The following RORB variants were observed in gnomAD, a reference collection of about 807,000 sequenced individuals.
RORB encodes nuclear receptor ROR-beta.
A neutral mutation model predicts 59.1 loss-of-function variants in RORB; 6 were observed. That is an observed-to-expected ratio of 0.10 (90% CI 0.06 to 0.20). The LOEUF (loss-of-function observed/expected upper bound fraction) is 0.20. Ranked by LOEUF, RORB falls within the 10% of genes least tolerant of loss-of-function variation. The probability of loss-of-function intolerance (pLI) is 1.00; values close to 1 mark genes in which losing one functional copy is unlikely to be tolerated. For missense variants in RORB, 320 were observed against 560.5 expected (o/e 0.57, Z 4.33); for synonymous variants, 215 against 204.5 (o/e 1.05, Z -0.44).
rs1372064312 is a variant in RORB, at chr9:74,660,602, T to C, written c.638-15T>C. 2 of 1,600,088 alleles carry C rather than the reference T, an allele frequency of 1.2e-6. No individual in the cohort carries two copies. The highest frequency in any genetic ancestry group is 1.8e-5 in the Admixed American group (1 of 56,456). On this transcript the variant is annotated splice_polypyrimidine_tract_variant and intron_variant, in intron 4 of 9. Transcript: ENST00000376896. ...TTTTATTCACAAACCTTTGAATTGA[T>C]ATCTTTTCTCACAGACCGAATTGCA...
At chr9:74,534,176 C>T (rs1826288256) in intron 1 of RORB, among the ~76,000 whole-genome samples, 1 of 152,106 alleles carries the variant, frequency 6.6e-6, no homozygotes, top group African/African-American at 2.4e-5. Context: ...TAAAAATAGA[C>T]TAAATGCCTT....
At chr9:74,528,237 G>T (rs1826185941) in intron 1 of RORB, among the ~76,000 whole-genome samples, 1 of 151,970 alleles carries the variant, frequency 6.6e-6, no homozygotes, top group Non-Finnish European at 1.5e-5. Context: ...GGGGTTCTTA[G>T]AGTCCAAGTG....
intron 1 of RORB, among the ~76,000 whole-genome samples, chr9:74,530,443 CGG>C (rs1246877825): frequency 1.3e-5 from 2 of 151,924 alleles, no homozygotes; most frequent in Non-Finnish European, 2.9e-5. Context: ...ATATGGCCAC[CGG>C]GAGAGAAAAT....
intron 1 of RORB, among the ~76,000 whole-genome samples, chr9:74,521,007 C>A (rs1159743687): frequency 6.6e-6 from 1 of 151,852 alleles, no homozygotes; most frequent in Non-Finnish European, 1.5e-5. Context: ...ATTAGGCAAC[C>A]AGATGCCAAT....
chr9:74,660,593 T>C, intron 4 of RORB, 24 bp from the exon 5 acceptor site: 1 of 1,596,724 alleles, frequency 6.3e-7, no homozygotes, highest in South Asian at 1.1e-5. Context: ...TCACAAACCT[T>C]TGAATTGATA....
At chr9:74,656,539 C>G (rs1018778305) in intron 4 of RORB, among the ~76,000 whole-genome samples, 65 of 152,320 alleles carry the variant, frequency 4.3e-4, no homozygotes, top group African/African-American at 1.4e-3. Context: ...AGTTCGAGAA[C>G]AGCCTGGCCA....
chr9:74,574,144 T>C (rs1194906954), intron 1 of RORB, among the ~76,000 whole-genome samples: 1 of 152,036 alleles, frequency 6.6e-6, no homozygotes, highest in Non-Finnish European at 1.5e-5. Context: ...TGTCTGGCAG[T>C]CTCATTATCA....
intron 1 of RORB, among the ~76,000 whole-genome samples, chr9:74,507,887 C>T (rs1245806746): frequency 6.6e-6 from 1 of 151,980 alleles, no homozygotes; most frequent in Non-Finnish European, 1.5e-5. Flanking sequence ...AAATGCCACA[C>T]AGTCTGGTAG....
intron 1 of RORB, among the ~76,000 whole-genome samples, chr9:74,623,441 C>CTTTT (rs35945048): frequency 4.1e-5 from 6 of 145,460 alleles, no homozygotes; most frequent in Non-Finnish European, 4.5e-5. Context: ...TTTTCTCTCT[C>CTTTT]TTTTTTTTTT....
chr9:74,564,858 A>G (rs1409704912), intron 1 of RORB, among the ~76,000 whole-genome samples: 1 of 152,194 alleles, frequency 6.6e-6, no homozygotes, highest in African/African-American at 2.4e-5. Flanking sequence ...TAAAAGGTGT[A>G]AAGAGGCCAG....
At chr9:74,663,603 G>T (rs191724211) in intron 6 of RORB, among the ~76,000 whole-genome samples, 14 of 152,224 alleles carry the variant, frequency 9.2e-5, no homozygotes, top group Middle Eastern at 3.4e-3. Context: ...TATTTCTTTC[G>T]CTCTCAAAGC....
At chr9:74,639,328 C>T (rs1255575474) in intron 3 of RORB, among the ~76,000 whole-genome samples, 1 of 152,194 alleles carries the variant, frequency 6.6e-6, no homozygotes, top group African/African-American at 2.4e-5. Context: ...CAGTAAGTCA[C>T]ATGACCCTGG....
intron 1 of RORB, among the ~76,000 whole-genome samples, chr9:74,547,055 C>T (rs982820281): frequency 3.3e-5 from 5 of 152,134 alleles, no homozygotes; most frequent in Non-Finnish European, 1.5e-5. Flanking sequence ...GGTCACACCA[C>T]CACACTCCAG....
chr9:74,671,993 C>T (rs1824354248), intron 9 of RORB, 92 bp downstream of exon 9: 2 of 658,296 alleles, frequency 3.0e-6, no homozygotes, highest in Non-Finnish European at 5.2e-6. Flanking sequence ...TTCTCAGCAG[C>T]AACAATTTCT....
rs1268898925 is a variant in RORB, at chr9:74,634,718, C to T, written c.181C>T (p.Arg61Cys). The T allele has an allele frequency of 1.2e-6, 2 of 1,613,648 alleles. No individual in the cohort carries two copies. The highest frequency in any genetic ancestry group is 1.7e-5 in the Admixed American group (1 of 59,976). The stretch of plus-strand genomic sequence containing the variant: ...TTTAATTGACAGAACGAACAGAAAC[C>T]GTTGCCAACACTGCCGACTGCAGAA... The part of the protein sequence containing the change: ...NCLIDRTNRN[R>C]CQHCRLQKCL... The change falls in exon 3 of 10, where the codon CGT becomes TGT. Residue 61 changes from arginine (R) to cysteine (C), a missense_variant. Arg to Cys is a radical substitution (Grantham distance 180). Around this residue, in one of 4 missense-constraint regions of RORB, gnomAD observed 37 missense variants for 116.4 expected, o/e 0.32. Transcript: ENST00000376896.
At chr9:74,644,429 G>T (rs1823862142) in intron 4 of RORB, among the ~76,000 whole-genome samples, 1 of 152,156 alleles carries the variant, frequency 6.6e-6, no homozygotes, top group East Asian at 1.9e-4. Context: ...AATTAAAATA[G>T]TATTTCTGTT....
intron 1 of RORB, among the ~76,000 whole-genome samples, chr9:74,598,064 AT>A (rs1473012329): frequency 6.6e-6 from 1 of 152,126 alleles, no homozygotes; most frequent in East Asian, 1.9e-4. Context: ...TTTTTGCTAC[AT>A]TTTTAATGTG....
At chr9:74,534,913 C>G (rs573358807) in intron 1 of RORB, among the ~76,000 whole-genome samples, 1 of 152,160 alleles carries the variant, frequency 6.6e-6, no homozygotes, top group South Asian at 2.1e-4. Context: ...CCTAATATAG[C>G]AGCAGACAAA....
At chr9:74,668,945 C>T (rs950688909) in intron 8 of RORB, among the ~76,000 whole-genome samples, 1 of 152,176 alleles carries the variant, frequency 6.6e-6, no homozygotes, top group Non-Finnish European at 1.5e-5. Flanking sequence ...AGAGGAAAAA[C>T]TTCAGACATG....
Sources: gnomAD v4.1 joint callset for allele counts (sites outside exome capture counted in the v4.1 genomes callset) on GRCh38, gnomAD v4.1.1 for gene constraint, gnomAD v4.1.1 regional missense constraint, MANE v1.5 for transcripts, NCBI Gene and HGNC (gene_info 2026-07-23, HGNC 2026-07-21) for gene names.